The following BACH2 variants were observed in gnomAD, a reference collection of about 807,000 sequenced individuals.
BACH2 encodes BACH transcriptional regulator 2, also known as transcription regulator protein BACH2.
BACH2 carries 5 observed loss-of-function variants against 61.8 expected under a neutral mutation model. That is an observed-to-expected ratio of 0.08 (90% CI 0.04 to 0.17). The LOEUF is 0.17. Among genes scored for constraint, BACH2 ranks in the 10% least tolerant of loss-of-function variants. The pLI is 1.00. For synonymous variants in BACH2, 446 were observed against 440.1 expected (o/e 1.01, Z -0.17); for missense variants, 824 against 1,091.1 (o/e 0.76, Z 3.45).
chr6:90,029,423 T>C (rs565446179), intron 5 of BACH2, among the ~76,000 whole-genome samples: 2 of 152,242 alleles, frequency 1.3e-5, no homozygotes, highest in East Asian at 3.9e-4. Flanking sequence ...CATCACATTC[T>C]CAGTGAGGCC....
chr6:90,185,250 C>G (rs534241252), intron 4 of BACH2, among the ~76,000 whole-genome samples: 43 of 152,220 alleles, frequency 2.8e-4, no homozygotes, highest in African/African-American at 1.0e-3. Flanking sequence ...TCTGGATGGG[C>G]TGGTGAACAG....
At position 89,951,085 on chromosome 6, in the gene BACH2, A is replaced by G. The variant is rs1774068016; in HGVS notation, c.1021T>C (p.Leu341=). ...RSRSVASPSC[L]RSLFSITKSV... is the part of the protein sequence containing the mutation. ...TTCGTTATGCTGAACAGAGACCTTAAGCAGGAGGGCGAGGCCACGCTCCTG... is the reference window on the plus strand; with the variant it reads ...TTCGTTATGCTGAACAGAGACCTTAGGCAGGAGGGCGAGGCCACGCTCCTG... The change falls in exon 7 of 9, where the codon TTA becomes CTA. Residue 341 remains leucine, a synonymous_variant. Transcript: ENST00000257749. This position sits in a 1 kb window ranked among gnomAD's most constrained non-coding sequence, Gnocchi z 6.4. The G allele has an allele frequency of 1.9e-6, 3 of 1,612,478 alleles. No homozygotes were observed.
At chr6:90,020,514 C>T (rs1278428307) in intron 5 of BACH2, among the ~76,000 whole-genome samples, 2 of 152,010 alleles carry the variant, frequency 1.3e-5, no homozygotes, top group African/African-American at 2.4e-5. Flanking sequence ...GCAGACAGTC[C>T]TCATCAGCAA....
chr6:90,203,633 T>A (rs1769035101), intron 4 of BACH2, among the ~76,000 whole-genome samples: 1 of 152,144 alleles, frequency 6.6e-6, no homozygotes, highest in Non-Finnish European at 1.5e-5. Flanking sequence ...AATGCCTGTT[T>A]ACAATATTTA....
intron 6 of BACH2, among the ~76,000 whole-genome samples, chr6:89,971,281 G>A (rs1325820803): frequency 6.6e-6 from 1 of 152,206 alleles, no homozygotes; most frequent in East Asian, 1.9e-4. Context: ...TGAGAACAAG[G>A]TAATGACACC....
At chr6:90,092,829 T>A (rs959029750) in intron 4 of BACH2, among the ~76,000 whole-genome samples, 3 of 152,174 alleles carry the variant, frequency 2.0e-5, no homozygotes, top group African/African-American at 7.2e-5. Context: ...TTGGATGAAA[T>A]GACTGTAAGG....
chr6:90,094,474 T>G (rs1782302175), intron 4 of BACH2, among the ~76,000 whole-genome samples: 1 of 152,226 alleles, frequency 6.6e-6, no homozygotes, highest in South Asian at 2.1e-4. Flanking sequence ...TTGCTCTCAA[T>G]GTCCTCCTGT....
At chr6:90,033,207 T>C (rs1173049548) in intron 5 of BACH2, among the ~76,000 whole-genome samples, 1 of 150,844 alleles carries the variant, frequency 6.6e-6, no homozygotes, top group Non-Finnish European at 1.5e-5. Flanking sequence ...GGGCCTGTTT[T>C]GGGGAGGAGG....
At chr6:89,949,870 C>T (rs1304283176) in intron 7 of BACH2, among the ~76,000 whole-genome samples, 1 of 151,916 alleles carries the variant, frequency 6.6e-6, no homozygotes, top group Non-Finnish European at 1.5e-5. Flanking sequence ...TCTATATCTT[C>T]CTTTACGCTG....
intron 4 of BACH2, among the ~76,000 whole-genome samples, chr6:90,144,515 G>A (rs978584072): frequency 3.3e-5 from 5 of 152,120 alleles, no homozygotes; most frequent in African/African-American, 1.2e-4. Context: ...GGAAAGCAGG[G>A]GTTGAGCCAA....
chr6:90,155,113 C>T (rs942627276), intron 4 of BACH2, among the ~76,000 whole-genome samples: 4 of 152,126 alleles, frequency 2.6e-5, no homozygotes, highest in Non-Finnish European at 4.4e-5. Flanking sequence ...CCTAAGACAC[C>T]GCAGCCCCAA....
At chr6:89,952,638 C>T (rs11965525) in intron 6 of BACH2, among the ~76,000 whole-genome samples, 2,640 of 152,310 alleles carry the variant, frequency 0.017, 94 homozygotes, top group African/African-American at 0.06. Flanking sequence ...TATTCCTTCC[C>T]TAATTATTAG....
chr6:90,241,765 G>A (rs1193300090), intron 3 of BACH2, among the ~76,000 whole-genome samples: 6 of 151,320 alleles, frequency 4.0e-5, no homozygotes, highest in African/African-American at 7.3e-5. Context: ...TTAACTGCCC[G>A]TTACTAAAGG....
chr6:89,967,634 G>C (rs1313889157), intron 6 of BACH2, among the ~76,000 whole-genome samples: 4 of 152,232 alleles, frequency 2.6e-5, no homozygotes. Context: ...AACTAAGCTA[G>C]CAGGTGTCTG....
chr6:90,246,003 G>A (rs1770623383), intron 3 of BACH2, among the ~76,000 whole-genome samples: 1 of 152,200 alleles, frequency 6.6e-6, no homozygotes, highest in African/African-American at 2.4e-5. Flanking sequence ...GCTATCAAGG[G>A]AGGAGGAGTG....
chr6:90,219,439 T>C (rs1409046764), intron 3 of BACH2, among the ~76,000 whole-genome samples: 1 of 152,186 alleles, frequency 6.6e-6, no homozygotes, highest in African/African-American at 2.4e-5. Context: ...GAGCTGTGTG[T>C]TTCTTTTTCT....
At chr6:90,193,738 T>G (rs1768656998) in intron 4 of BACH2, among the ~76,000 whole-genome samples, 1 of 152,230 alleles carries the variant, frequency 6.6e-6, no homozygotes, top group African/African-American at 2.4e-5. Flanking sequence ...CCATTCAATT[T>G]TGAGGGCTTA....
At chr6:90,031,123 A>C (rs921055189) in intron 5 of BACH2, among the ~76,000 whole-genome samples, 3 of 152,154 alleles carry the variant, frequency 2.0e-5, no homozygotes, top group African/African-American at 7.2e-5. Context: ...ATCTCAATAG[A>C]TGCAGAAAAG....
chr6:90,205,489 C>A (rs1274565916), intron 4 of BACH2, among the ~76,000 whole-genome samples: 1 of 152,086 alleles, frequency 6.6e-6, no homozygotes, highest in Non-Finnish European at 1.5e-5. Context: ...TTGGTTGTCA[C>A]AATTAGAGTG....
Sources: allele counts gnomAD v4.1 joint callset (sites outside exome capture counted in the v4.1 genomes callset), GRCh38; gene constraint gnomAD v4.1.1; non-coding constraint Gnocchi (gnomAD v3.1); transcripts MANE v1.5; gene names NCBI Gene and HGNC (gene_info 2026-07-23, HGNC 2026-07-21).